ARL15: variants seen among roughly 807,000 people sequenced by gnomAD.
ARL15 encodes the protein ADP-ribosylation factor-like protein 15.
In ARL15, 19 loss-of-function variants were observed where a neutral mutation model predicts 25.2. That is an observed-to-expected ratio of 0.75 (90% confidence interval 0.53 to 1.10). ARL15 has a LOEUF of 1.10. Ranked by LOEUF, ARL15 falls within the 50% of genes least tolerant of loss-of-function variation. ARL15 has a pLI of 0.00. For synonymous variants in ARL15, 94 were observed against 86.8 expected (o/e 1.08, Z -0.46); for missense variants, 220 against 246.0 (o/e 0.89, Z 0.71).
intron 1 of ARL15, among the ~76,000 whole-genome samples, chr5:54,282,835 G>T (rs1281400563): frequency 6.6e-6 from 1 of 152,098 alleles, no homozygotes; most frequent in South Asian, 2.1e-4. Context: ...TGAGATCCTT[G>T]GTCTCAGAAT....
intron 4 of ARL15, among the ~76,000 whole-genome samples, chr5:53,958,874 A>G (rs1747262028): frequency 6.6e-6 from 1 of 152,236 alleles, no homozygotes; most frequent in Admixed American, 6.5e-5. Flanking sequence ...TTATAAACAC[A>G]TATGCACCAA....
chr5:53,954,095 T>TAA (rs11325411), intron 4 of ARL15, among the ~76,000 whole-genome samples: 11,078 of 141,136 alleles, frequency 0.078, 507 homozygotes, highest in East Asian at 0.16. Context: ...ATCTTCTACT[T>TAA]AAAAAAAAAA....
At chr5:54,027,690 G>A (rs570409133) in intron 4 of ARL15, among the ~76,000 whole-genome samples, 2 of 151,984 alleles carry the variant, frequency 1.3e-5, no homozygotes, top group Non-Finnish European at 2.9e-5. Context: ...ATCCAACCTG[G>A]CCATCTGCAG....
chr5:53,947,403 G>A (rs534109556), intron 4 of ARL15, among the ~76,000 whole-genome samples: 5 of 152,204 alleles, frequency 3.3e-5, no homozygotes, highest in East Asian at 1.9e-4. Context: ...GGAGACACCT[G>A]AGGCTGACAT....
At chr5:54,151,478 A>G (rs1053966707) in intron 3 of ARL15, among the ~76,000 whole-genome samples, 1 of 152,150 alleles carries the variant, frequency 6.6e-6, no homozygotes, top group Non-Finnish European at 1.5e-5. Flanking sequence ...TTCTCTGCCC[A>G]TAGGACCATG....
chr5:53,956,717 C>CA (rs1365949957), intron 4 of ARL15, among the ~76,000 whole-genome samples: 2 of 151,844 alleles, frequency 1.3e-5, no homozygotes, highest in East Asian at 3.9e-4. Context: ...CTGGAGCTGA[C>CA]ATATGAACAA....
chr5:54,225,534 A>G (rs1561274133), intron 1 of ARL15, among the ~76,000 whole-genome samples: 1 of 152,210 alleles, frequency 6.6e-6, no homozygotes, highest in Non-Finnish European at 1.5e-5. Context: ...GACAGTAGGA[A>G]GAAGTGACAG....
chr5:54,038,439 T>C (rs1369800676), intron 4 of ARL15, among the ~76,000 whole-genome samples: 1 of 152,074 alleles, frequency 6.6e-6, no homozygotes, highest in Non-Finnish European at 1.5e-5. Context: ...TTAAAACATA[T>C]ATAAAATCCC....
chr5:53,955,080 G>A (rs149882700), intron 4 of ARL15, among the ~76,000 whole-genome samples: 4 of 148,398 alleles, frequency 2.7e-5, no homozygotes, highest in Admixed American at 6.8e-5. Context: ...AACATTTATC[G>A]AGCACATTTC....
At chr5:54,238,473 G>C (rs1395105209) in intron 1 of ARL15, among the ~76,000 whole-genome samples, 2 of 152,196 alleles carry the variant, frequency 1.3e-5, no homozygotes, top group African/African-American at 4.8e-5. Context: ...TCCAAGTCAA[G>C]TCTGTGAATT....
At chr5:54,310,042 C>T (rs541733558) in intron 1 of ARL15, among the ~76,000 whole-genome samples, 1 of 152,324 alleles carries the variant, frequency 6.6e-6, no homozygotes, top group East Asian at 1.9e-4. Context: ...TTTAATAGCA[C>T]CTGGAGTTCT....
At chr5:53,937,565 A>G (rs1746391316) in intron 4 of ARL15, among the ~76,000 whole-genome samples, 2 of 152,136 alleles carry the variant, frequency 1.3e-5, no homozygotes, top group African/African-American at 2.4e-5. Flanking sequence ...CGGCTTTTCT[A>G]TGTTTAGATA....
At chr5:53,932,153 A>T (rs1746210855) in intron 4 of ARL15, among the ~76,000 whole-genome samples, 1 of 152,362 alleles carries the variant, frequency 6.6e-6, no homozygotes, top group African/African-American at 2.4e-5. Context: ...ACATTGCTAC[A>T]TTACAGAAAA....
chr5:54,151,354 CTTTCA>C (rs929969543), intron 3 of ARL15, among the ~76,000 whole-genome samples: 2 of 152,052 alleles, frequency 1.3e-5, no homozygotes, highest in East Asian at 1.9e-4. Flanking sequence ...ATTTTTTTCC[CTTTCA>C]TTTCATTATT....
rs747084197 is a variant in ARL15, at chr5:54,113,180, T to C, written c.462+22A>G. 11 of 1,608,760 alleles carry C rather than the reference T, an allele frequency of 6.8e-6. No homozygotes were observed. The South Asian group carries it at 1.2e-4, about 18-fold the overall frequency. ...AAGTACAAGCAAGGAAGACAAAGAGTTGTCATGCTAATGAGACATACCTCT... is the reference window on the plus strand; with the variant it reads ...AAGTACAAGCAAGGAAGACAAAGAGCTGTCATGCTAATGAGACATACCTCT... On this transcript the variant is annotated intron_variant, in intron 4 of 4. Transcript: ENST00000504924.
chr5:54,281,127 A>AGAAT lies in ARL15; in HGVS notation c.48+29301_48+29304dup, dbSNP rs1392801513. ...GCGCTCACCATTCAAGTTAAAACCC[A>AGAAT]GAATATTACTATAACTTTTTTTTGT... is the stretch of plus-strand genomic sequence containing the variant. On this transcript the variant is annotated intron_variant, in intron 1 of 4. Coordinates refer to ENST00000504924, the MANE Select transcript of ARL15 (RefSeq NM_019087.3). Among the ~76,000 whole-genome samples, 10 of 152,324 alleles carry AGAAT rather than the reference A, an allele frequency of 6.6e-5. No homozygotes were observed. In the Middle Eastern group the frequency reaches 0.01, roughly 155 times the overall value.
At chr5:54,269,603 G>A (rs537847309) in intron 1 of ARL15, among the ~76,000 whole-genome samples, 1 of 151,970 alleles carries the variant, frequency 6.6e-6, no homozygotes, top group African/African-American at 2.4e-5. Flanking sequence ...AGATGGATAG[G>A]TTATATTTTT....
intron 1 of ARL15, among the ~76,000 whole-genome samples, chr5:54,267,659 C>T (rs1292270885): frequency 1.3e-5 from 2 of 151,994 alleles, no homozygotes; most frequent in African/African-American, 4.8e-5. Flanking sequence ...AAAGAACAAG[C>T]CTGGTGGTGA....
intron 4 of ARL15, among the ~76,000 whole-genome samples, chr5:53,902,935 G>A (rs80107143): frequency 0.044 from 6,764 of 152,248 alleles, 225 homozygotes; most frequent in Non-Finnish European, 0.073. Flanking sequence ...AAGGGCAACA[G>A]GTAACAAATG....
Sources: allele counts gnomAD v4.1 joint callset (sites outside exome capture counted in the v4.1 genomes callset), GRCh38; gene constraint gnomAD v4.1.1; transcripts MANE v1.5; gene names NCBI Gene and HGNC (gene_info 2026-07-23, HGNC 2026-07-21).